The following ST6GALNAC3 variants were observed in gnomAD, a reference collection of about 807,000 sequenced individuals.
ST6GALNAC3 encodes the protein ST6 N-acetylgalactosaminide alpha-2,6-sialyltransferase 3.
A neutral mutation model predicts 32.7 loss-of-function variants in ST6GALNAC3; 25 were observed. The ratio of observed to expected loss-of-function variants is 0.76; its 90% CI spans 0.56 to 1.07. ST6GALNAC3 has a LOEUF of 1.07. Among genes scored for constraint, ST6GALNAC3 ranks in the 50% least tolerant of loss-of-function variants. The pLI, the probability that ST6GALNAC3 is intolerant of heterozygous loss-of-function variation, is 0.00. For missense variants in ST6GALNAC3, 355 were observed against 382.4 expected (o/e 0.93, Z 0.60); for synonymous variants, 129 against 133.1 (o/e 0.97, Z 0.21).
At chr1:76,292,438 A>G (rs1660151670) in intron 1 of ST6GALNAC3, among the ~76,000 whole-genome samples, 1 of 152,192 alleles carries the variant, frequency 6.6e-6, no homozygotes, top group African/African-American at 2.4e-5. Context: ...ATGTTTGTAG[A>G]AAGAATGAAC....
chr1:76,268,717 A>AT (rs1257102158), intron 1 of ST6GALNAC3, among the ~76,000 whole-genome samples: 2 of 152,230 alleles, frequency 1.3e-5, no homozygotes, highest in Non-Finnish European at 2.9e-5. Flanking sequence ...AGTTGAGGGC[A>AT]TTACCTGATG....
chr1:76,211,319 T>C (rs1336331904), intron 1 of ST6GALNAC3, among the ~76,000 whole-genome samples: 4 of 152,138 alleles, frequency 2.6e-5, no homozygotes, highest in South Asian at 2.1e-4. Context: ...GAAATAGGAA[T>C]ACTTTTACAC....
At chr1:76,151,780 G>A (rs949310484) in intron 1 of ST6GALNAC3, among the ~76,000 whole-genome samples, 14 of 152,290 alleles carry the variant, frequency 9.2e-5, no homozygotes, top group Middle Eastern at 3.4e-3. Flanking sequence ...GTGGGGCATC[G>A]ATTGCTTTGC....
chr1:76,403,075 T>G (rs1653553207), intron 2 of ST6GALNAC3, among the ~76,000 whole-genome samples: 1 of 152,022 alleles, frequency 6.6e-6, no homozygotes, highest in African/African-American at 2.4e-5. Context: ...ATTGAGTGAA[T>G]GGCAATGACT....
At chr1:76,356,599 A>C (rs1250552769) in intron 2 of ST6GALNAC3, among the ~76,000 whole-genome samples, 1 of 152,166 alleles carries the variant, frequency 6.6e-6, no homozygotes, top group Non-Finnish European at 1.5e-5. Context: ...CCTAGGGTGG[A>C]CAGGGAAGGG....
intron 3 of ST6GALNAC3, among the ~76,000 whole-genome samples, chr1:76,495,770 A>G (rs2101709001): frequency 6.6e-6 from 1 of 152,296 alleles, no homozygotes; most frequent in Non-Finnish European, 1.5e-5. Context: ...TCTTGGACAA[A>G]TAATTCTTTT....
Position 76,628,930 on chromosome 1 carries a change from T to C in ST6GALNAC3, c.*124T>C, listed in dbSNP as rs1355732554. The C allele has an allele frequency of 6.6e-7, 1 of 1,509,296 alleles. No homozygotes were observed. Among genetic ancestry groups the C allele is most frequent in the Non-Finnish European group, 8.8e-7 (1 of 1,139,674 alleles). 93.5% of individuals were successfully genotyped at this position (1,509,296 alleles called of 1,614,324 possible). A position where few individuals can be genotyped will look rare whatever the true frequency, so the allele number is the denominator to read the frequency against. ...AACAACAATGATTATCAAGTTCCTG[T>C]ACACTCTCAGATGTGGATGGTGACT... On this transcript the variant is annotated 3_prime_UTR_variant, in exon 5 of 5. Coordinates refer to ENST00000328299, the MANE Select transcript of ST6GALNAC3 (RefSeq NM_152996.4).
intron 3 of ST6GALNAC3, among the ~76,000 whole-genome samples, chr1:76,548,311 C>T (rs931124910): frequency 6.6e-6 from 1 of 152,144 alleles, no homozygotes; most frequent in African/African-American, 2.4e-5. Flanking sequence ...TAAGAGGAAA[C>T]TGTATCGATA....
At chr1:76,468,114 C>A (rs945522349) in intron 3 of ST6GALNAC3, among the ~76,000 whole-genome samples, 4 of 151,512 alleles carry the variant, frequency 2.6e-5, no homozygotes, top group Non-Finnish European at 5.9e-5. Context: ...TTCTTTCTTT[C>A]TTCCATCCCC....
chr1:76,307,859 A>G (rs757467784), intron 1 of ST6GALNAC3: 2 of 513,546 alleles, frequency 3.9e-6, no homozygotes, highest in Non-Finnish European at 7.8e-6. Flanking sequence ...TCCCAAAATA[A>G]TGGATTTTCT....
rs111610236 is a variant in ST6GALNAC3, at chr1:76,566,212, A to G, written c.624-61240A>G. 8.5e-3 allele frequency among the ~76,000 whole-genome samples: 1,287 copies of G among 152,288 alleles called. 12 individuals carry two copies. The highest frequency in any genetic ancestry group is 0.029 in the African/African-American group (1,220 of 41,556). On this transcript the variant is annotated intron_variant, in intron 3 of 4. Coordinates refer to ENST00000328299, the MANE Select transcript of ST6GALNAC3 (RefSeq NM_152996.4). ...GACAGTATGTCAGGTGTGGACTAAT[A>G]TATGTAATAGCTTTCAAAAGGAACT... is the stretch of plus-strand genomic sequence containing the variant.
chr1:76,333,827 A>T (rs889481252), intron 2 of ST6GALNAC3, among the ~76,000 whole-genome samples: 1 of 152,180 alleles, frequency 6.6e-6, no homozygotes, highest in African/African-American at 2.4e-5. Flanking sequence ...TTATCAAGTG[A>T]TTACTGGCAT....
At chr1:76,412,856 C>T (rs1044807912) in intron 3 of ST6GALNAC3, 2 of 202,578 alleles carry the variant, frequency 9.9e-6, no homozygotes, top group African/African-American at 4.8e-5. Context: ...TACTGATTCT[C>T]CAATAAGATT....
intron 3 of ST6GALNAC3, among the ~76,000 whole-genome samples, chr1:76,457,037 C>T (rs560656253): frequency 7.5e-4 from 114 of 151,620 alleles, no homozygotes; most frequent in African/African-American, 2.7e-3. Flanking sequence ...ACAAAAATCA[C>T]AAGCATTCTT....
chr1:76,263,244 G>T (rs1658345167), intron 1 of ST6GALNAC3, among the ~76,000 whole-genome samples: 1 of 152,166 alleles, frequency 6.6e-6, no homozygotes, highest in East Asian at 1.9e-4. Flanking sequence ...ATTAGCATGG[G>T]ATGGTCCTTG....
At chr1:76,557,805 G>A (rs1303457903) in intron 3 of ST6GALNAC3, among the ~76,000 whole-genome samples, 2 of 152,126 alleles carry the variant, frequency 1.3e-5, no homozygotes, top group Admixed American at 1.3e-4. Context: ...CATTTATGTT[G>A]TATTAGACTT....
chr1:76,395,854 A>G (rs1652914598), intron 2 of ST6GALNAC3, among the ~76,000 whole-genome samples: 1 of 152,284 alleles, frequency 6.6e-6, no homozygotes, highest in African/African-American at 2.4e-5. Flanking sequence ...AGGCTGGTTA[A>G]TGGGTACAAA....
chr1:76,139,373 C>T (rs1650168761), intron 1 of ST6GALNAC3, among the ~76,000 whole-genome samples: 1 of 151,908 alleles, frequency 6.6e-6, no homozygotes. Flanking sequence ...AACATATACA[C>T]ATATAAACAT....
At chr1:76,283,302 A>G (rs576227548) in intron 1 of ST6GALNAC3, among the ~76,000 whole-genome samples, 1 of 152,268 alleles carries the variant, frequency 6.6e-6, no homozygotes, top group Non-Finnish European at 1.5e-5. Context: ...AACAACTCAC[A>G]TTGAGCTTTG....
Sources: allele counts gnomAD v4.1 joint callset (sites outside exome capture counted in the v4.1 genomes callset), GRCh38; gene constraint gnomAD v4.1.1; transcripts MANE v1.5; gene names NCBI Gene and HGNC (gene_info 2026-07-23, HGNC 2026-07-21).